RARB: variants seen among roughly 807,000 people sequenced by gnomAD.
RARB encodes the protein retinoic acid receptor beta.
RARB carries 17 observed loss-of-function variants against 51.9 expected under a neutral mutation model. That is an observed-to-expected ratio of 0.33 (90% CI 0.22 to 0.49). The LOEUF (loss-of-function observed/expected upper bound fraction) is 0.49. Among genes scored for constraint, RARB ranks in the 20% least tolerant of loss-of-function variants. The pLI is 0.99. For synonymous variants in RARB, 215 were observed against 195.4 expected (o/e 1.10, Z -0.84); for missense variants, 369 against 550.8 (o/e 0.67, Z 3.30).
chr3:25,460,356 A>G (rs557499447), intron 1 of RARB, among the ~76,000 whole-genome samples: 1 of 151,718 alleles, frequency 6.6e-6, no homozygotes, highest in African/African-American at 2.4e-5. Flanking sequence ...CATGCTAAAG[A>G]CCCTCCCAGT....
chr3:25,136,523 G>C (rs919329784), intron 4 of RARB, among the ~76,000 whole-genome samples: 1 of 151,928 alleles, frequency 6.6e-6, no homozygotes, highest in Non-Finnish European at 1.5e-5. Context: ...TTTTATAAAT[G>C]GTAGGAGTTG....
At chr3:25,580,939 G>A (rs547305242) in intron 5 of RARB, among the ~76,000 whole-genome samples, 1 of 152,290 alleles carries the variant, frequency 6.6e-6, no homozygotes, top group African/African-American at 2.4e-5. Flanking sequence ...AGGTCTGCGA[G>A]GCTCAAATGG....
At chr3:24,929,699 A>G (rs1336141546) in intron 2 of RARB, among the ~76,000 whole-genome samples, 1 of 151,992 alleles carries the variant, frequency 6.6e-6, no homozygotes, top group Non-Finnish European at 1.5e-5. Context: ...ATTCCTCTCT[A>G]CTTTTTATCT....
At chr3:25,386,091 G>A (rs1171880634) in intron 5 of RARB, among the ~76,000 whole-genome samples, 1 of 152,146 alleles carries the variant, frequency 6.6e-6, no homozygotes, top group Admixed American at 6.5e-5. Flanking sequence ...TCCAGAGACA[G>A]AACACGAACA....
Position 25,282,335 on chromosome 3 carries a change from C to T in RARB, c.178+107760C>T, listed in dbSNP as rs145105283. The stretch of plus-strand genomic sequence containing the variant: ...TGCAGTATTCTTCCCTCAGATACCA[C>T]ATGGCTTACTCTTGAATGTTTAAAT... On this transcript the variant is annotated intron_variant, in intron 5 of 11. Transcript: ENST00000383772. Among the ~76,000 whole-genome samples the T allele has an allele frequency of 2.4e-3, 363 of 152,320 alleles. 1 individual carries two copies. Among genetic ancestry groups the T allele is most frequent in the African/African-American group, 8.1e-3 (338 of 41,568 alleles).
chr3:25,003,144 T>C (rs975741956), intron 2 of RARB, among the ~76,000 whole-genome samples: 7 of 151,314 alleles, frequency 4.6e-5, no homozygotes, highest in African/African-American at 1.7e-4. Flanking sequence ...TGCCCCTCTT[T>C]GTTTTATAAC....
chr3:24,984,097 A>G (rs142412696), intron 2 of RARB, among the ~76,000 whole-genome samples: 2 of 152,228 alleles, frequency 1.3e-5, no homozygotes, highest in Non-Finnish European at 2.9e-5. Flanking sequence ...ATTTAGCTAT[A>G]TAACCCACAG....
intron 5 of RARB, among the ~76,000 whole-genome samples, chr3:25,229,526 G>A (rs913854306): frequency 2.0e-5 from 3 of 152,054 alleles, no homozygotes; most frequent in Non-Finnish European, 4.4e-5. Context: ...ACATAAGTAA[G>A]CATTCTACCC....
chr3:25,506,302 A>G (rs1697595206), intron 3 of RARB, among the ~76,000 whole-genome samples: 1 of 151,698 alleles, frequency 6.6e-6, no homozygotes, highest in Non-Finnish European at 1.5e-5. Flanking sequence ...AAGATGTTAG[A>G]AATTTTAGAA....
At chr3:25,159,610 T>C (rs1700442657) in intron 4 of RARB, among the ~76,000 whole-genome samples, 1 of 152,204 alleles carries the variant, frequency 6.6e-6, no homozygotes. Flanking sequence ...TTATCCATAT[T>C]GCACACATGG....
chr3:25,440,616 C>G (rs560390219), intron 1 of RARB, among the ~76,000 whole-genome samples: 1 of 148,658 alleles, frequency 6.7e-6, no homozygotes, highest in East Asian at 1.9e-4. Context: ...ACTAAAAATA[C>G]AACAATTAGC....
At chr3:24,857,418 G>A (rs1460266478) in intron 1 of RARB, among the ~76,000 whole-genome samples, 1 of 152,184 alleles carries the variant, frequency 6.6e-6, no homozygotes, top group Admixed American at 6.5e-5. Flanking sequence ...AATTCAGAAT[G>A]CCTAGCTAAA....
chr3:24,975,808 C>T (rs769730278), intron 2 of RARB, among the ~76,000 whole-genome samples: 14 of 151,872 alleles, frequency 9.2e-5, no homozygotes, highest in Admixed American at 2.0e-4. Flanking sequence ...CTAGGGTACA[C>T]GTGCACAACG....
intron 5 of RARB, among the ~76,000 whole-genome samples, chr3:25,416,142 A>G (rs1032597677): frequency 6.6e-6 from 1 of 152,248 alleles, no homozygotes; most frequent in Non-Finnish European, 1.5e-5. Context: ...CCATAATCCC[A>G]GCACTCTGGG....
chr3:25,289,105 CGTA>C, intron 5 of RARB, among the ~76,000 whole-genome samples: 1 of 152,192 alleles, frequency 6.6e-6, no homozygotes, highest in Non-Finnish European at 1.5e-5. Flanking sequence ...AGCTGTTTCA[CGTA>C]GTGGATTAGA....
Position 25,277,857 on chromosome 3 carries a change from C to T in RARB, c.178+103282C>T, listed in dbSNP as rs1703431472. ...AAGAAACACAACATGTCTTGTACCT[C>T]AGAAGACCATATACCTCTTTATAGT... On this transcript the variant is annotated intron_variant, in intron 5 of 11. Coordinates refer to the RARB transcript ENST00000383772. Among the ~76,000 whole-genome samples, 4 of 152,156 alleles carry T rather than the reference C, an allele frequency of 2.6e-5. No homozygotes were observed. The South Asian group carries it at 8.3e-4, about 32-fold the overall frequency.
chr3:25,498,434 A>T (rs188627687), intron 2 of RARB, among the ~76,000 whole-genome samples: 5 of 152,316 alleles, frequency 3.3e-5, no homozygotes, highest in Admixed American at 3.3e-4. Context: ...AAAATACCTC[A>T]TAGCATATAT....
At chr3:25,571,950 G>A (rs1288020622) in intron 4 of RARB, among the ~76,000 whole-genome samples, 1 of 152,152 alleles carries the variant, frequency 6.6e-6, no homozygotes, top group African/African-American at 2.4e-5. Context: ...TGACAATACA[G>A]AAAAGTAACA....
At chr3:25,261,123 ATG>A (rs1702987093) in intron 5 of RARB, among the ~76,000 whole-genome samples, 1 of 152,134 alleles carries the variant, frequency 6.6e-6, no homozygotes, top group Non-Finnish European at 1.5e-5. Context: ...CATGTTCTAC[ATG>A]TGTTACTTAA....
Sources: allele counts gnomAD v4.1 joint callset (sites outside exome capture counted in the v4.1 genomes callset), GRCh38; gene constraint gnomAD v4.1.1; transcripts MANE v1.5; gene names NCBI Gene and HGNC (gene_info 2026-07-23, HGNC 2026-07-21).